The following RB1 variants were observed in gnomAD, a reference collection of about 807,000 sequenced individuals.
RB1 encodes retinoblastoma-associated protein.
A neutral mutation model predicts 135.4 loss-of-function variants in RB1; 18 were observed. The observed-to-expected ratio is 0.13, with a 90% confidence interval of 0.09 to 0.20. The LOEUF is 0.20. Ranked by LOEUF, RB1 falls within the 10% of genes least tolerant of loss-of-function variation. RB1 has a pLI of 1.00. For synonymous variants in RB1, 365 were observed against 373.2 expected (o/e 0.98, Z 0.25); for missense variants, 868 against 1,110.0 (o/e 0.78, Z 3.10).
At chr13:48,393,764 A>AT (rs980766354) in intron 17 of RB1, among the ~76,000 whole-genome samples, 4 of 151,950 alleles carry the variant, frequency 2.6e-5, no homozygotes, top group African/African-American at 4.8e-5. Flanking sequence ...GTTATTAACT[A>AT]TTTTTTTGTA....
intron 17 of RB1, among the ~76,000 whole-genome samples, chr13:48,415,371 C>G (rs1370995704): frequency 6.6e-6 from 1 of 151,772 alleles, no homozygotes; most frequent in Non-Finnish European, 1.5e-5. Flanking sequence ...CCTCTGCCTC[C>G]CAGGTTCCAG....
chr13:48,473,416 T>C (rs909986310), intron 24 of RB1, 26 bp downstream of exon 24: 2 of 1,518,362 alleles, frequency 1.3e-6, no homozygotes, highest in Non-Finnish European at 9.1e-7. Context: ...CTATGAAATA[T>C]AATAGTATGC....
At chr13:48,324,873 TG>T (rs1311703406) in intron 2 of RB1, among the ~76,000 whole-genome samples, 4 of 152,024 alleles carry the variant, frequency 2.6e-5, no homozygotes, top group Non-Finnish European at 5.9e-5. Context: ...TTTTTGTTTT[TG>T]TTTTTTTTTA....
At chr13:48,417,924 C>G (rs1190408337) in intron 17 of RB1, among the ~76,000 whole-genome samples, 2 of 152,084 alleles carry the variant, frequency 1.3e-5, no homozygotes, top group African/African-American at 4.8e-5. Flanking sequence ...CTGAAAGTGA[C>G]AGGGAGAATT....
intron 2 of RB1, among the ~76,000 whole-genome samples, chr13:48,339,857 T>A (rs1203294061): frequency 2.6e-5 from 4 of 152,188 alleles, no homozygotes; most frequent in Admixed American, 2.6e-4. Flanking sequence ...ATCCAATGAC[T>A]TTTTTAGATT....
chr13:48,346,710 A>G lies in RB1; in HGVS notation c.501-1115A>G, dbSNP rs1466150548. Among the ~76,000 whole-genome samples the G allele has an allele frequency of 6.6e-5, 10 of 152,216 alleles. No homozygotes were observed. The South Asian group carries it at 1.4e-3, about 22-fold the overall frequency. Reference sequence around the variant, plus strand: ...TATTGGCAAGTGCTTCTAATGTTAAACAAATGAAGCAGGATATACTCTGAT... The same window carrying G: ...TATTGGCAAGTGCTTCTAATGTTAAGCAAATGAAGCAGGATATACTCTGAT... On this transcript the variant is annotated intron_variant, in intron 4 of 26. Transcript: ENST00000267163.
chr13:48,370,692 A>G (rs1426084418), intron 11 of RB1, among the ~76,000 whole-genome samples: 1 of 152,180 alleles, frequency 6.6e-6, no homozygotes, highest in African/African-American at 2.4e-5. Flanking sequence ...CCACATGTTC[A>G]GCTATCCGGA....
chr13:48,319,078 C>T lies in RB1; in HGVS notation c.264+11672C>T. 1.6e-6 allele frequency: 1 copy of T among 615,724 alleles called. No individual in the cohort carries two copies. Among genetic ancestry groups the T allele is most frequent in the Non-Finnish European group, 3.0e-6 (1 of 331,682 alleles). The allele number at this position is 615,724 out of a possible 1,614,324, so 38.1% of individuals were successfully genotyped here. A position where few individuals can be genotyped will look rare whatever the true frequency, so the allele number is the denominator to read the frequency against. On this transcript the variant is annotated intron_variant, in intron 2 of 26. Transcript: ENST00000267163. The surrounding 1 kb of genome is among the most constrained non-coding windows in gnomAD (Gnocchi z 5.0). The stretch of plus-strand genomic sequence containing the variant: ...CGGACGTGTCTGCCTGGCACGAGGA[C>T]CGTTCTACAAACTCGTTCCTGGAAG...
At chr13:48,368,130 C>T (rs1015197841) in intron 10 of RB1, among the ~76,000 whole-genome samples, 1 of 152,032 alleles carries the variant, frequency 6.6e-6, no homozygotes, top group African/African-American at 2.4e-5. Context: ...AAGTTAAACA[C>T]AGTAAAATGT....
intron 17 of RB1, among the ~76,000 whole-genome samples, chr13:48,396,590 A>T (rs531727546): frequency 2.0e-5 from 3 of 152,360 alleles, no homozygotes; most frequent in Admixed American, 2.0e-4. Context: ...GGCATGGGCA[A>T]AGACTTCATG....
At chr13:48,340,579 G>T (rs1952433581) in intron 2 of RB1, among the ~76,000 whole-genome samples, 1 of 98,782 alleles carries the variant, frequency 1.0e-5, no homozygotes, top group African/African-American at 2.5e-5. Context: ...ATCTTTAAAA[G>T]AGAGAGAGAG....
At chr13:48,357,860 C>G (rs1952606059) in intron 6 of RB1, among the ~76,000 whole-genome samples, 1 of 152,120 alleles carries the variant, frequency 6.6e-6, no homozygotes, top group South Asian at 2.1e-4. Flanking sequence ...TACAATGTCT[C>G]AAGCATGATA....
intron 10 of RB1, 73 bp from the exon 11 acceptor site, chr13:48,368,454 A>T: frequency 1.3e-6 from 2 of 1,587,858 alleles, no homozygotes; most frequent in Non-Finnish European, 1.7e-6. Context: ...GAAGCATTAT[A>T]CTGCTTTTTT....
intron 2 of RB1, among the ~76,000 whole-genome samples, chr13:48,313,549 T>C (rs1171372159): frequency 6.6e-6 from 1 of 151,064 alleles, no homozygotes; most frequent in Non-Finnish European, 1.5e-5. Flanking sequence ...GAGTTAATTT[T>C]TGTGTATGAT....
intron 17 of RB1, among the ~76,000 whole-genome samples, chr13:48,423,038 G>A (rs1036903124): frequency 6.6e-6 from 1 of 152,074 alleles, no homozygotes; most frequent in Non-Finnish European, 1.5e-5. Flanking sequence ...GCTGAGGTGG[G>A]TGGATCACTT....
chr13:48,388,923 G>T (rs921040364), intron 17 of RB1, among the ~76,000 whole-genome samples: 2 of 152,106 alleles, frequency 1.3e-5, no homozygotes, highest in Non-Finnish European at 2.9e-5. Context: ...ACTTTGGGAG[G>T]CTGAGGCAGG....
intron 17 of RB1, chr13:48,429,531 G>A (rs939125897): frequency 7.2e-5 from 11 of 152,006 alleles, no homozygotes; most frequent in African/African-American, 2.4e-4. Context: ...CCTGCACATA[G>A]TGAAAATCAT....
chr13:48,392,836 C>T (rs1346346847), intron 17 of RB1, among the ~76,000 whole-genome samples: 1 of 151,846 alleles, frequency 6.6e-6, no homozygotes, highest in Non-Finnish European at 1.5e-5. Context: ...TGCCAGATAT[C>T]ATGAATTTTG....
At position 48,473,272 on chromosome 13, in the gene RB1, A is replaced by G. The variant is rs1365783799; in HGVS notation, c.2490-88A>G. The G allele has an allele frequency of 5.8e-6, 6 of 1,034,822 alleles. No homozygotes were observed. Among genetic ancestry groups the G allele is most frequent in the Admixed American group, 1.8e-5 (1 of 55,330 alleles). The allele number at this position is 1,034,822 out of a possible 1,614,324, so 64.1% of individuals were successfully genotyped here. A position where few individuals can be genotyped will look rare whatever the true frequency, so the allele number is the denominator to read the frequency against. On this transcript the variant is annotated intron_variant, in intron 23 of 26. Coordinates refer to ENST00000267163, the MANE Select transcript of RB1 (RefSeq NM_000321.3). ...GGTAACCTTTAATTTGGTATTCCTA[A>G]TAGTTCAGAATGATGTATTTATGCT...
Sources: gnomAD v4.1 joint callset for allele counts (sites outside exome capture counted in the v4.1 genomes callset) on GRCh38, gnomAD v4.1.1 for gene constraint, Gnocchi (gnomAD v3.1) non-coding constraint, MANE v1.5 for transcripts, NCBI Gene and HGNC (gene_info 2026-07-23, HGNC 2026-07-21) for gene names.